Variants in ST8SIA6 observed in about 807,000 individuals in gnomAD.
ST8SIA6 encodes alpha-2,8-sialyltransferase 8F.
A neutral mutation model predicts 33.6 loss-of-function variants in ST8SIA6; 39 were observed. That is an observed-to-expected ratio of 1.16 (90% CI 0.90 to 1.52). ST8SIA6 has a LOEUF of 1.52. Ranked by LOEUF, ST8SIA6 falls within the 40% of genes most tolerant of loss-of-function variation. The probability of loss-of-function intolerance (pLI) is 0.00; values close to 1 mark genes in which losing one functional copy is unlikely to be tolerated. For synonymous variants in ST8SIA6, 172 were observed against 167.2 expected, an observed-to-expected ratio of 1.03 and a Z score of -0.22; for missense variants, 441 against 443.8, an observed-to-expected ratio of 0.99 and a Z score of 0.06.
At chr10:17,452,666 T>C (rs929293943) in intron 2 of ST8SIA6, among the ~76,000 whole-genome samples, 1 of 152,184 alleles carries the variant, frequency 6.6e-6, no homozygotes, top group Admixed American at 6.5e-5. Context: ...GAATTACTGA[T>C]GGCAAACAAA....
Position 17,321,218 on chromosome 10 carries a change from G to T in ST8SIA6, c.857C>A (p.Thr286Lys). Residue 286 changes from threonine to lysine, a missense_variant, in exon 8 of 8, where the codon ACG (threonine) becomes AAG (lysine). By Grantham distance (78) the Thr-to-Lys change is moderately conservative. Coordinates refer to ENST00000377602, the MANE Select transcript of ST8SIA6 (RefSeq NM_001004470.3). Reference protein sequence around the residue: ...NTGTSFKVYYTLEESKARQKV... With the variant: ...NTGTSFKVYYKLEESKARQKV... ...TTGTCTTGCTTTAGACTCTTCGAGC[G>T]TGTAGTATACTTTGAAAGAGGTACC... The T allele has an allele frequency of 1.2e-6, 2 of 1,614,002 alleles. No homozygotes were observed. Among genetic ancestry groups the T allele is most frequent in the Non-Finnish European group, 8.5e-7 (1 of 1,179,970 alleles).
At chr10:17,382,966 G>T (rs1195294271) in intron 3 of ST8SIA6, among the ~76,000 whole-genome samples, 1 of 152,116 alleles carries the variant, frequency 6.6e-6, no homozygotes, top group Non-Finnish European at 1.5e-5. Context: ...AGGTTATAAA[G>T]GTTATAAAAG....
chr10:17,446,036 A>AT (rs200615850), intron 2 of ST8SIA6, among the ~76,000 whole-genome samples: 2,993 of 148,766 alleles, frequency 0.02, 100 homozygotes, highest in African/African-American at 0.073. Flanking sequence ...TTTTATCACA[A>AT]TTAAAAAAAA....
chr10:17,346,244 T>C (rs959290690), intron 4 of ST8SIA6, among the ~76,000 whole-genome samples: 2 of 152,174 alleles, frequency 1.3e-5, no homozygotes, highest in African/African-American at 2.4e-5. Context: ...GCGTCACATC[T>C]TGGATGTCCA....
chr10:17,361,102 T>C (rs984854862), intron 3 of ST8SIA6, among the ~76,000 whole-genome samples: 7 of 152,106 alleles, frequency 4.6e-5, no homozygotes, highest in Non-Finnish European at 4.4e-5. Context: ...ATATTCATAG[T>C]GTATTTCTGA....
intron 6 of ST8SIA6, among the ~76,000 whole-genome samples, chr10:17,326,695 G>A (rs574361456): frequency 6.6e-6 from 1 of 152,154 alleles, no homozygotes; most frequent in Non-Finnish European, 1.5e-5. Flanking sequence ...GAGACATGCT[G>A]CCCTCTGGAG....
intron 3 of ST8SIA6, 63 bp downstream of exon 3, chr10:17,390,468 C>A: frequency 1.5e-6 from 2 of 1,375,474 alleles, no homozygotes; most frequent in South Asian, 2.4e-5. Context: ...GAGACACTGT[C>A]AGACATTCTG....
intron 4 of ST8SIA6, among the ~76,000 whole-genome samples, chr10:17,353,941 G>A (rs149403817): frequency 1.4e-3 from 206 of 152,210 alleles, no homozygotes; most frequent in Non-Finnish European, 2.1e-3. Flanking sequence ...GGTTGGGGGC[G>A]GGAAGAAAGT....
At chr10:17,418,337 C>G in intron 2 of ST8SIA6, among the ~76,000 whole-genome samples, 1 of 152,084 alleles carries the variant, frequency 6.6e-6, no homozygotes, top group South Asian at 2.1e-4. Context: ...CATGTGCCAC[C>G]ATGTGCAGCC....
rs373503230 is a variant in ST8SIA6, at chr10:17,327,081, C to T, written c.568G>A (p.Gly190Arg). Residue 190 changes from glycine (G) to arginine (R), a missense_variant, in exon 6 of 8, where the codon GGA becomes AGA. Transcript: ENST00000377602. Reference sequence around the variant, plus strand: ...GACTTATTCAGAATTCCCCCATTTCCGACCACTGCACACTGATTATAAGGG... The same window carrying T: ...GACTTATTCAGAATTCCCCCATTTCTGACCACTGCACACTGATTATAAGGG... ...DYPYNQCAVVGNGGILNKSLC... is the reference protein window; with the variant it reads ...DYPYNQCAVVRNGGILNKSLC... 34 of 1,610,098 alleles carry T rather than the reference C, an allele frequency of 2.1e-5. No individual in the cohort carries two copies. Among genetic ancestry groups the T allele is most frequent in the African/African-American group, 5.4e-5 (4 of 74,610 alleles).
At chr10:17,351,290 C>T (rs1487930822) in intron 4 of ST8SIA6, among the ~76,000 whole-genome samples, 3 of 151,610 alleles carry the variant, frequency 2.0e-5, no homozygotes, top group Non-Finnish European at 4.4e-5. Context: ...ACTAGATATC[C>T]AGTTCCTTCA....
At chr10:17,382,374 T>A (rs2131645611) in intron 3 of ST8SIA6, among the ~76,000 whole-genome samples, 1 of 152,308 alleles carries the variant, frequency 6.6e-6, no homozygotes, top group South Asian at 2.1e-4. Flanking sequence ...CAAGCAGTTC[T>A]CCTGCCTCGG....
At chr10:17,435,509 T>C (rs904746269) in intron 2 of ST8SIA6, among the ~76,000 whole-genome samples, 2 of 152,224 alleles carry the variant, frequency 1.3e-5, no homozygotes, top group Non-Finnish European at 2.9e-5. Context: ...CATAATAACA[T>C]TGTGGTGAGA....
At chr10:17,378,378 GATA>G (rs1849990548) in intron 3 of ST8SIA6, among the ~76,000 whole-genome samples, 1 of 152,262 alleles carries the variant, frequency 6.6e-6, no homozygotes. Context: ...AGCAAAAACG[GATA>G]ATGTCAGAGA....
intron 3 of ST8SIA6, among the ~76,000 whole-genome samples, chr10:17,384,323 TAA>T (rs1160983000): frequency 6.6e-6 from 1 of 152,238 alleles, no homozygotes; most frequent in Non-Finnish European, 1.5e-5. Flanking sequence ...GCTTGGCTTT[TAA>T]AAAGTCTTAT....
Sources: allele counts gnomAD v4.1 joint callset (sites outside exome capture counted in the v4.1 genomes callset), GRCh38; gene constraint gnomAD v4.1.1; transcripts MANE v1.5; gene names NCBI Gene and HGNC (gene_info 2026-07-23, HGNC 2026-07-21).